Variants in GBP6 observed in about 807,000 individuals in gnomAD.
GBP6 encodes the protein guanylate-binding protein 6.
A neutral mutation model predicts 61.5 loss-of-function variants in GBP6; 54 were observed. The ratio of observed to expected loss-of-function variants is 0.88; its 90% CI spans 0.71 to 1.10. The LOEUF is 1.10. GBP6 is among the 50% of genes least tolerant of loss of function. The pLI, the probability that GBP6 is intolerant of heterozygous loss-of-function variation, is 0.00. For synonymous variants in GBP6, 255 were observed against 273.7 expected (o/e 0.93, Z 0.67); for missense variants, 748 against 752.8 (o/e 0.99, Z 0.07).
rs1652989846 is a variant in GBP6, at chr1:89,381,862, A to ACACGCT, written c.1042_1047dup (p.Thr348_Leu349dup). On this transcript the variant is annotated inframe_insertion, in exon 7 of 11. Transcript: ENST00000370456. ...GCCCAGCGAGTGAAGCTCCCCACAG[A>ACACGCT]CACGCTCCAGGAGCTGCTGGACATG... 6.2e-7 allele frequency: 1 copy of ACACGCT among 1,613,992 alleles called. No individual in the cohort carries two copies. The highest frequency in any genetic ancestry group is 8.5e-7 in the Non-Finnish European group (1 of 1,179,986).
chr1:89,380,689 T>C (rs1438129167), intron 6 of GBP6, 58 bp downstream of exon 6: 3 of 1,527,300 alleles, frequency 2.0e-6, no homozygotes, highest in Non-Finnish European at 1.8e-6. Flanking sequence ...TATTGTATAA[T>C]GTGTTTCTCA....
intron 10 of GBP6, 58 bp downstream of exon 10, chr1:89,384,344 G>A: frequency 7.0e-7 from 1 of 1,418,928 alleles, no homozygotes; most frequent in African/African-American, 1.4e-5. Context: ...ACCTCAGGAA[G>A]GGCTGGTGAA....
At chr1:89,369,486 C>T in intron 2 of GBP6, 60 bp from the exon 3 acceptor site, 1 of 1,572,640 alleles carries the variant, frequency 6.4e-7, no homozygotes. Flanking sequence ...GATGCTGTGG[C>T]CCCAGGGCGG....
rs762389427 is a variant in GBP6 at position 89,378,431 on chromosome 1, T to G, written c.443T>G (p.Leu148Arg). The G allele has an allele frequency of 6.2e-7, 1 of 1,613,784 alleles. No homozygotes were observed. The highest frequency in any genetic ancestry group is 1.1e-5 in the South Asian group (1 of 90,994). ...ALEQLHYVTE[L>R]TELIKAKSSP... is the part of the protein sequence containing the mutation. ...CTAAGTCCTAGTTATGTGACGGAGC[T>G]CACAGAACTAATTAAGGCAAAGTCC... The change falls in exon 5 of 11, where the codon CTC becomes CGC. Residue 148 changes from leucine to arginine, a missense_variant. Leu to Arg is a moderately radical substitution (Grantham distance 102, BLOSUM62 -2). Transcript: ENST00000370456.
intron 3 of GBP6, among the ~76,000 whole-genome samples, chr1:89,374,746 G>T (rs904947437): frequency 7.2e-5 from 11 of 152,008 alleles, no homozygotes; most frequent in Admixed American, 2.0e-4. Context: ...GTGTATTCAG[G>T]TTCTTTACTC....
At position 89,368,509 on chromosome 1, in the gene GBP6, A is replaced by G. The variant is rs1652525893; in HGVS notation, c.-23-20A>G. ...ACACTGAGACAGAGAATGACAATGT[A>G]ACGTTATTTCTACTGGGAGGCTCTT... On this transcript the variant is annotated intron_variant, in intron 1 of 10. Coordinates refer to ENST00000370456, the MANE Select transcript of GBP6 (RefSeq NM_198460.3). The G allele has an allele frequency of 6.4e-7, 1 of 1,554,672 alleles. No homozygotes were observed. Among genetic ancestry groups the G allele is most frequent in the Non-Finnish European group, 8.8e-7 (1 of 1,134,766 alleles).
intron 5 of GBP6, among the ~76,000 whole-genome samples, chr1:89,379,876 A>C (rs1652915016): frequency 6.6e-6 from 1 of 152,240 alleles, no homozygotes; most frequent in African/African-American, 2.4e-5. Flanking sequence ...GGTGACTTGC[A>C]CCTGTAGTGT....
chr1:89,374,733 A>G (rs1652757520), intron 3 of GBP6, among the ~76,000 whole-genome samples: 2 of 152,234 alleles, frequency 1.3e-5, no homozygotes, highest in South Asian at 4.1e-4. Flanking sequence ...TCTTTTGAGA[A>G]ATGTGTATTC....
In GBP6 at chr1:89,378,576, A is replaced by G; in HGVS notation, c.588A>G (p.Glu196=). 6.2e-7 allele frequency: 1 copy of G among 1,613,694 alleles called. No homozygotes were observed. The highest frequency in any genetic ancestry group is 8.5e-7 in the Non-Finnish European group (1 of 1,179,788). ...AGTTGAACGGTCACCCTATCACAGA[A>G]GATGAATACCTGGAGAATGCCTTGA... ...ELKLNGHPIT[E]DEYLENALKL... The change falls in exon 5 of 11, where the codon GAA becomes GAG. Residue 196 remains glutamate (E), a synonymous_variant. Transcript: ENST00000370456.
At chr1:89,366,556 G>A (rs566277196) in intron 1 of GBP6, among the ~76,000 whole-genome samples, 1 of 152,092 alleles carries the variant, frequency 6.6e-6, no homozygotes, top group Non-Finnish European at 1.5e-5. Flanking sequence ...GTTACTGCAG[G>A]TTGTCGATCA....
In GBP6 at chr1:89,385,133, G is replaced by A. The variant is rs1471327413; in HGVS notation, c.1663-97G>A. ...AATAACTGAGAAAATGTTTTTAGGA[G>A]TAAAATAAAGTTTCACACAGGTTTT... On this transcript the variant is annotated intron_variant, in intron 10 of 10. Transcript: ENST00000370456. 8 of 1,095,684 alleles carry A rather than the reference G, an allele frequency of 7.3e-6. No homozygotes were observed. The African/African-American group carries it at 9.5e-5, about 13-fold the overall frequency. 67.9% of individuals were successfully genotyped at this position (1,095,684 alleles called of 1,614,324 possible). A position where few individuals can be genotyped will look rare whatever the true frequency, so the allele number is the denominator to read the frequency against.
At chr1:89,381,541 G>T (rs926378416) in intron 6 of GBP6, among the ~76,000 whole-genome samples, 153 bp from the exon 7 acceptor site, 2 of 152,090 alleles carry the variant, frequency 1.3e-5, no homozygotes, top group Non-Finnish European at 2.9e-5. Flanking sequence ...AAATAAGAGT[G>T]ATAATAGCAG....
At position 89,382,829 on chromosome 1, in the gene GBP6, G is replaced by A. The variant is rs151241468; in HGVS notation, c.1318G>A (p.Glu440Lys). The A allele has an allele frequency of 1.1e-4, 176 of 1,614,092 alleles. No homozygotes were observed. The African/African-American group carries it at 2.2e-3, about 20-fold the overall frequency. The change falls in exon 8 of 11, where the codon GAA (glutamate) becomes AAA (lysine). Residue 440 changes from glutamate (E) to lysine (K), a missense_variant. Physicochemically the swap from Glu to Lys is moderately conservative, Grantham distance 56. Transcript: ENST00000370456. ...GCACAAGCTCTACATGGAAACAAAG[G>A]AAAGGATTGAACAGGACTATTGGCA... The part of the protein sequence containing the change: ...GGHKLYMETK[E>K]RIEQDYWQVP...
At position 89,385,336 on chromosome 1, in the gene GBP6, C is replaced by G; in HGVS notation, c.1769C>G (p.Thr590Ser). Reference sequence around the variant, plus strand: ...ATTGATACTACAAAAAATGATGATACTCCCTGGATTGCACGAACCTTGGAC... The same window carrying G: ...ATTGATACTACAAAAAATGATGATAGTCCCTGGATTGCACGAACCTTGGAC... Reference protein sequence around the residue: ...RMIDTTKNDDTPWIARTLDNL... With the variant: ...RMIDTTKNDDSPWIARTLDNL... Residue 590 changes from threonine (T) to serine (S), a missense_variant, in exon 11 of 11, where the codon ACT becomes AGT. Coordinates refer to ENST00000370456, the MANE Select transcript of GBP6 (RefSeq NM_198460.3). The G allele has an allele frequency of 6.2e-7, 1 of 1,614,094 alleles. No individual in the cohort carries two copies. The highest frequency in any genetic ancestry group is 8.5e-7 in the Non-Finnish European group (1 of 1,179,988).
intron 3 of GBP6, among the ~76,000 whole-genome samples, chr1:89,372,689 T>G (rs1486613953): frequency 6.6e-6 from 1 of 152,182 alleles, no homozygotes; most frequent in Non-Finnish European, 1.5e-5. Flanking sequence ...ACTTAAATGT[T>G]AAGCCTAAAC....
rs141642310 is a variant in GBP6 at position 89,369,361 on chromosome 1, C to T, written c.191-185C>T. Among the ~76,000 whole-genome samples the T allele has an allele frequency of 5.3e-3, 800 of 152,320 alleles. 7 individuals are homozygous for T. The highest frequency in any genetic ancestry group is 0.018 in the African/African-American group (751 of 41,574). ...TTTTGAGCCGTTACTTGGCATCATTCTCACATTTAATGTCCCTCGCTTTTT... is the reference window on the plus strand; with the variant it reads ...TTTTGAGCCGTTACTTGGCATCATTTTCACATTTAATGTCCCTCGCTTTTT... On this transcript the variant is annotated intron_variant, in intron 2 of 10. Transcript: ENST00000370456.
Position 89,382,883 on chromosome 1 carries a change from A to T in GBP6, c.1365+7A>T. ...TCCCAGGAAAGGAGTAAAGGTAAGG[A>T]ATAAGGGGAGCATGGGGAAGTTTAT... On this transcript the variant is annotated splice_region_variant and intron_variant, in intron 8 of 10. Coordinates refer to ENST00000370456, the MANE Select transcript of GBP6 (RefSeq NM_198460.3). 6.3e-7 allele frequency: 1 copy of T among 1,595,462 alleles called. No individual in the cohort carries two copies. The highest frequency in any genetic ancestry group is 8.6e-7 in the Non-Finnish European group (1 of 1,163,162).
intron 3 of GBP6, among the ~76,000 whole-genome samples, chr1:89,374,986 C>T (rs949292127): frequency 6.6e-6 from 1 of 152,094 alleles, no homozygotes; most frequent in African/African-American, 2.4e-5. Context: ...ATGTTCTTAT[C>T]ATTTAGTTCC....
In GBP6 at chr1:89,380,487, A is replaced by G; in HGVS notation, c.727A>G (p.Lys243Glu). Reference protein sequence around the residue: ...CFVFDRPTNDKDLLANIEKVS... With the variant: ...CFVFDRPTNDEDLLANIEKVS... ...CGTCTTTGACCGGCCAACAAATGAC[A>G]AAGACCTTCTAGCCAATATTGAGAA... is the stretch of plus-strand genomic sequence containing the variant. The change falls in exon 6 of 11, where the codon AAA becomes GAA. Residue 243 changes from lysine to glutamate, a missense_variant. Physicochemically the swap from Lys to Glu is moderately conservative, Grantham distance 56 (BLOSUM62 1). Coordinates refer to ENST00000370456, the MANE Select transcript of GBP6 (RefSeq NM_198460.3). 6.2e-7 allele frequency: 1 copy of G among 1,614,162 alleles called. No homozygotes were observed.
Sources: gnomAD v4.1 joint callset for allele counts (sites outside exome capture counted in the v4.1 genomes callset) on GRCh38, gnomAD v4.1.1 for gene constraint, MANE v1.5 for transcripts, NCBI Gene and HGNC (gene_info 2026-07-23, HGNC 2026-07-21) for gene names.